Variants in MAP4K3 observed in about 807,000 individuals in gnomAD.
The protein encoded by MAP4K3 is mitogen-activated protein kinase kinase kinase kinase 3, also known as MAPK/ERK kinase kinase kinase 3.
MAP4K3 carries 94 observed loss-of-function variants against 143.5 expected under a neutral mutation model. The observed-to-expected ratio is 0.65, with a 90% confidence interval of 0.55 to 0.78. The LOEUF (loss-of-function observed/expected upper bound fraction) is 0.78, where lower values mean the gene tolerates loss of function less well. MAP4K3 is among the 30% of genes least tolerant of loss of function. The pLI is 0.00. For missense variants in MAP4K3, 1,077 were observed against 1,068.1 expected (o/e 1.01, Z -0.12); for synonymous variants, 416 against 347.2 (o/e 1.20, Z -2.20).
At chr2:39,315,145 A>C (rs1683070276) in intron 13 of MAP4K3, among the ~76,000 whole-genome samples, 165 bp downstream of exon 13, 1 of 152,222 alleles carries the variant, frequency 6.6e-6, no homozygotes, top group Admixed American at 6.5e-5. Context: ...CAAAAATTCC[A>C]CAAGAATAAG....
chr2:39,420,990 C>T (rs956786216), intron 1 of MAP4K3, among the ~76,000 whole-genome samples: 6 of 152,128 alleles, frequency 3.9e-5, no homozygotes, highest in Non-Finnish European at 7.4e-5. Flanking sequence ...CCCCCAGTTT[C>T]CCCTGTCATT....
chr2:39,432,356 A>G (rs1190223960), intron 1 of MAP4K3, among the ~76,000 whole-genome samples: 1 of 152,212 alleles, frequency 6.6e-6, no homozygotes, highest in African/African-American at 2.4e-5. Context: ...ACACTCTAGA[A>G]AAATTACCTC....
At chr2:39,329,894 C>T (rs973459297) in intron 8 of MAP4K3, among the ~76,000 whole-genome samples, 3 of 152,014 alleles carry the variant, frequency 2.0e-5, no homozygotes, top group African/African-American at 4.8e-5. Context: ...CAAAGTGAAC[C>T]AAAATGTAAG....
At chr2:39,316,209 A>T (rs530519220) in intron 12 of MAP4K3, among the ~76,000 whole-genome samples, 1 of 152,226 alleles carries the variant, frequency 6.6e-6, no homozygotes, top group African/African-American at 2.4e-5. Flanking sequence ...ACAGAGTCTA[A>T]CTAATTAAAT....
At chr2:39,392,690 G>A (rs1666699812) in intron 1 of MAP4K3, among the ~76,000 whole-genome samples, 1 of 152,242 alleles carries the variant, frequency 6.6e-6, no homozygotes, top group Non-Finnish European at 1.5e-5. Context: ...CAGGTGGGGT[G>A]ATTGGGTCAT....
intron 3 of MAP4K3, among the ~76,000 whole-genome samples, chr2:39,347,819 C>T (rs1390922615): frequency 2.6e-5 from 4 of 151,992 alleles, no homozygotes; most frequent in African/African-American, 9.7e-5. Flanking sequence ...ATCACAACTT[C>T]TTTCTTATAA....
At chr2:39,326,337 A>G (rs1683489292) in intron 8 of MAP4K3, 60 bp from the exon 9 acceptor site, 1 of 1,554,390 alleles carries the variant, frequency 6.4e-7, no homozygotes, top group African/African-American at 1.4e-5. Context: ...TTATACTCCC[A>G]CCCAGAGGCA....
intron 1 of MAP4K3, among the ~76,000 whole-genome samples, chr2:39,417,574 G>A (rs547184016): frequency 6.6e-6 from 1 of 152,216 alleles, no homozygotes; most frequent in Non-Finnish European, 1.5e-5. Context: ...ATGGGGGAAG[G>A]CCAGAACAAA....
chr2:39,398,579 C>T (rs976879300), intron 1 of MAP4K3, among the ~76,000 whole-genome samples: 12 of 151,422 alleles, frequency 7.9e-5, no homozygotes, highest in African/African-American at 1.5e-4. Flanking sequence ...CGTAAATAAA[C>T]GCATTCTTTA....
intron 31 of MAP4K3, among the ~76,000 whole-genome samples, chr2:39,257,066 A>G (rs1315320152): frequency 6.6e-6 from 1 of 152,248 alleles, no homozygotes; most frequent in Non-Finnish European, 1.5e-5. Context: ...GATGAATGAC[A>G]TTCTAGTTGG....
At chr2:39,396,504 G>C (rs1217731858) in intron 1 of MAP4K3, among the ~76,000 whole-genome samples, 1 of 142,092 alleles carries the variant, frequency 7.0e-6, no homozygotes, top group African/African-American at 2.6e-5. Context: ...TTTTTAAGCA[G>C]AGTCTCACTT....
In MAP4K3 at chr2:39,272,512, C is replaced by T. The variant is rs1420756519; in HGVS notation, c.1825G>A (p.Val609Ile). Residue 609 changes from valine to isoleucine, a missense_variant, in exon 25 of 34, where the codon GTA becomes ATA. Val to Ile is a conservative substitution (Grantham distance 29). Coordinates refer to ENST00000263881, the MANE Select transcript of MAP4K3 (RefSeq NM_003618.4). Reference sequence around the variant, plus strand: ...ATTGATAGCAAGCAATTGTTCATTACATACAACCATGTACACCTTCGAGGG... The same window carrying T: ...ATTGATAGCAAGCAATTGTTCATTATATACAACCATGTACACCTTCGAGGG... ...LFPRRCTWLY[V>I]MNNCLLSISG... 1.2e-6 allele frequency: 2 copies of T among 1,613,324 alleles called. No homozygotes were observed. The highest frequency in any genetic ancestry group is 1.7e-6 in the Non-Finnish European group (2 of 1,179,640).
intron 1 of MAP4K3, among the ~76,000 whole-genome samples, chr2:39,405,759 G>T (rs183222558): frequency 6.6e-6 from 1 of 152,146 alleles, no homozygotes; most frequent in East Asian, 1.9e-4. Flanking sequence ...TCCCATCTAC[G>T]TGGGAGGCTG....
intron 4 of MAP4K3, 105 bp from the exon 5 acceptor site, chr2:39,337,686 A>T: frequency 3.1e-6 from 2 of 644,976 alleles, no homozygotes; most frequent in Non-Finnish European, 5.5e-6. Context: ...TCCCTAAACA[A>T]TTCTACTGAA....
chr2:39,372,168 A>C (rs1361270516), intron 2 of MAP4K3, among the ~76,000 whole-genome samples: 1 of 151,736 alleles, frequency 6.6e-6, no homozygotes, highest in Admixed American at 6.6e-5. Context: ...GAAATCAAGA[A>C]AGAAATTCCA....
intron 1 of MAP4K3, among the ~76,000 whole-genome samples, chr2:39,386,738 T>C (rs1158330405): frequency 6.6e-6 from 1 of 152,310 alleles, no homozygotes; most frequent in African/African-American, 2.4e-5. Context: ...GACCCCATGT[T>C]GATCTATATT....
rs1681072181 is a variant in MAP4K3, at chr2:39,272,529, C to T, written c.1808G>A (p.Arg603Lys). The T allele has an allele frequency of 6.2e-7, 1 of 1,613,068 alleles. No homozygotes were observed. Among genetic ancestry groups the T allele is most frequent in the South Asian group, 1.1e-5 (1 of 90,972 alleles). Residue 603 changes from arginine to lysine, a missense_variant, in exon 25 of 34, where the codon AGG becomes AAG. Physicochemically the swap from Arg to Lys is conservative, Grantham distance 26. Coordinates refer to ENST00000263881, the MANE Select transcript of MAP4K3 (RefSeq NM_003618.4). ...ETSMEQLFPR[R>K]CTWLYVMNNC... ...GTTCATTACATACAACCATGTACACCTTCGAGGGAATAGCTGATTAAAAAA... is the reference window on the plus strand; with the variant it reads ...GTTCATTACATACAACCATGTACACTTTCGAGGGAATAGCTGATTAAAAAA...
chr2:39,374,645 G>A (rs919254965), intron 2 of MAP4K3, among the ~76,000 whole-genome samples: 21 of 151,748 alleles, frequency 1.4e-4, no homozygotes, highest in African/African-American at 4.8e-4. Flanking sequence ...TCGGGCCACT[G>A]CACTCCAGCC....
At chr2:39,334,337 A>G (rs1304286516) in intron 6 of MAP4K3, among the ~76,000 whole-genome samples, 1 of 152,158 alleles carries the variant, frequency 6.6e-6, no homozygotes, top group African/African-American at 2.4e-5. Flanking sequence ...AGGTGCCATC[A>G]ATCATGTAAG....
Sources: allele counts gnomAD v4.1 joint callset (sites outside exome capture counted in the v4.1 genomes callset), GRCh38; gene constraint gnomAD v4.1.1; transcripts MANE v1.5; gene names NCBI Gene and HGNC (gene_info 2026-07-23, HGNC 2026-07-21).